The following PCDHGA11 variants were observed in gnomAD, a reference collection of about 807,000 sequenced individuals.
PCDHGA11 encodes the protein protocadherin gamma subfamily A, 11.
In PCDHGA11, 39 loss-of-function variants were observed where a neutral mutation model predicts 60.4. The observed-to-expected ratio is 0.65, with a 90% CI of 0.50 to 0.84. The LOEUF (loss-of-function observed/expected upper bound fraction) is 0.84. PCDHGA11 is among the 40% of genes least tolerant of loss of function. The pLI is 0.00. For synonymous variants in PCDHGA11, 533 were observed against 510.3 expected (o/e 1.04, Z -0.60); for missense variants, 1,165 against 1,197.7 (o/e 0.97, Z 0.40).
At position 141,487,769 on chromosome 5, in the gene PCDHGA11, T is replaced by C. The variant is rs775270506; in HGVS notation, c.2434-7038T>C. Reference sequence around the variant, plus strand: ...TAACTATGTGGTAGACGCTGTGCTTTGTAACTGTTTCGTGAATTAACCAGA... The same window carrying C: ...TAACTATGTGGTAGACGCTGTGCTTCGTAACTGTTTCGTGAATTAACCAGA... On this transcript the variant is annotated intron_variant, in intron 1 of 3. Transcript: ENST00000398587. The surrounding 1 kb of genome is among the most constrained non-coding windows in gnomAD (Gnocchi z 5.0). 8 of 1,538,288 alleles carry C rather than the reference T, an allele frequency of 5.2e-6. No homozygotes were observed. The highest frequency in any genetic ancestry group is 1.2e-5 in the South Asian group (1 of 82,608).
chr5:141,442,725 G>A (rs1381140725), intron 1 of PCDHGA11, among the ~76,000 whole-genome samples: 1 of 152,198 alleles, frequency 6.6e-6, no homozygotes, highest in Admixed American at 6.5e-5. Flanking sequence ...AGCATTTGGG[G>A]CCTGTAGGTA....
Position 141,421,969 on chromosome 5 carries a change from T to C in PCDHGA11, c.742T>C (p.Tyr248His), listed in dbSNP as rs1039340340. Residue 248 changes from tyrosine (Y) to histidine (H), a missense_variant, in exon 1 of 4, where the codon TAT becomes CAT. Coordinates refer to ENST00000398587, the MANE Select transcript of PCDHGA11 (RefSeq NM_018914.3). Reference sequence around the variant, plus strand: ...CATCCCAATGTTTACACAGTCCGTATATCGCGTGAGTGTTCCAGAAAACAT... The same window carrying C: ...CATCCCAATGTTTACACAGTCCGTACATCGCGTGAGTGTTCCAGAAAACAT... The part of the protein sequence containing the change: ...DHIPMFTQSV[Y>H]RVSVPENISS... The C allele has an allele frequency of 1.2e-6, 2 of 1,611,188 alleles. No homozygotes were observed. The highest frequency in any genetic ancestry group is 1.7e-5 in the Admixed American group (1 of 59,626).
chr5:141,477,191 A>C lies in PCDHGA11; in HGVS notation c.2434-17616A>C. 1 of 1,614,210 alleles carries C rather than the reference A, an allele frequency of 6.2e-7. No individual in the cohort carries two copies. The highest frequency in any genetic ancestry group is 1.1e-5 in the South Asian group (1 of 91,086). ...GGAGATCACAGTCACCTCCGTGTAC[A>C]GCCCAGTACCCGAGGATGCCCCTCT... On this transcript the variant is annotated intron_variant, in intron 1 of 3. Coordinates refer to ENST00000398587, the MANE Select transcript of PCDHGA11 (RefSeq NM_018914.3). This position sits in a 1 kb window ranked among gnomAD's most constrained non-coding sequence, Gnocchi z 4.9.
At position 141,490,645 on chromosome 5, in the gene PCDHGA11, C is replaced by G; in HGVS notation, c.2434-4162C>G. ...TGCTTACATCCTAGAAAACCGGCCTCCGGGCTCCCTTCTTTGCACTGTGGC... is the reference window on the plus strand; with the variant it reads ...TGCTTACATCCTAGAAAACCGGCCTGCGGGCTCCCTTCTTTGCACTGTGGC... On this transcript the variant is annotated intron_variant, in intron 1 of 3. Transcript: ENST00000398587. The surrounding 1 kb of genome is among the most constrained non-coding windows in gnomAD (Gnocchi z 5.4). 6.2e-7 allele frequency: 1 copy of G among 1,614,220 alleles called. No homozygotes were observed. Among genetic ancestry groups the G allele is most frequent in the Non-Finnish European group, 8.5e-7 (1 of 1,180,022 alleles).
intron 1 of PCDHGA11, among the ~76,000 whole-genome samples, chr5:141,488,511 G>A (rs2099676160): frequency 6.6e-6 from 1 of 152,162 alleles, no homozygotes. Context: ...CCACATTTGG[G>A]GTCTGGGGTG....
At chr5:141,469,896 C>T (rs934040636) in intron 1 of PCDHGA11, among the ~76,000 whole-genome samples, 4 of 152,074 alleles carry the variant, frequency 2.6e-5, no homozygotes, top group Admixed American at 6.5e-5. Context: ...TTTGGGAAGC[C>T]GAGGCAGGCA....
chr5:141,506,444 CAAAAAAAAAAAAA>C (rs1219684339), intron 3 of PCDHGA11, among the ~76,000 whole-genome samples: 1 of 95,030 alleles, frequency 1.1e-5, no homozygotes, highest in Non-Finnish European at 2.2e-5. Context: ...CGCTCTGTCT[CAAAAAAAAAAAAA>C]AAAAAAAAGA....
At chr5:141,499,553 A>T (rs1215178587) in intron 2 of PCDHGA11, among the ~76,000 whole-genome samples, 3 of 152,206 alleles carry the variant, frequency 2.0e-5, no homozygotes, top group African/African-American at 4.8e-5. Context: ...CCTGTATGAT[A>T]CCACTATCCA....
At chr5:141,456,504 T>G (rs781368588) in intron 1 of PCDHGA11, among the ~76,000 whole-genome samples, 1 of 152,148 alleles carries the variant, frequency 6.6e-6, no homozygotes, top group Non-Finnish European at 1.5e-5. Context: ...GGTTAACCAA[T>G]TCCATAAAGA....
intron 1 of PCDHGA11, chr5:141,492,055 G>C (rs1335131646): frequency 4.1e-6 from 2 of 493,506 alleles, no homozygotes; most frequent in Non-Finnish European, 7.1e-6. Flanking sequence ...CACCCCTGCA[G>C]CCAGCCTCCT....
Position 141,432,599 on chromosome 5 carries a change from C to T in PCDHGA11, c.2433+8939C>T. 2.5e-6 allele frequency: 4 copies of T among 1,613,908 alleles called. No individual in the cohort carries two copies. The highest frequency in any genetic ancestry group is 2.7e-5 in the African/African-American group (2 of 75,052). On this transcript the variant is annotated intron_variant, in intron 1 of 3. Coordinates refer to ENST00000398587, the MANE Select transcript of PCDHGA11 (RefSeq NM_018914.3). The surrounding 1 kb of genome is among the most constrained non-coding windows in gnomAD (Gnocchi z 6.0). Reference sequence around the variant, plus strand: ...CTACCGTCTGCTCAAGGCCAGCGAGCCGGGACTCTTCTCGGTGGGTCTGCA... The same window carrying T: ...CTACCGTCTGCTCAAGGCCAGCGAGTCGGGACTCTTCTCGGTGGGTCTGCA...
intron 1 of PCDHGA11, among the ~76,000 whole-genome samples, chr5:141,430,253 T>G (rs2097270288): frequency 9.8e-6 from 1 of 102,050 alleles, no homozygotes; most frequent in Admixed American, 1.0e-4. Context: ...TAGGGAGACA[T>G]CTCCATAATA....
At chr5:141,482,611 G>T (rs1016481108) in intron 1 of PCDHGA11, among the ~76,000 whole-genome samples, 1 of 150,398 alleles carries the variant, frequency 6.6e-6, no homozygotes, top group Admixed American at 6.6e-5. Context: ...ACACCTAAAT[G>T]AGCCTGGAGA....
At chr5:141,442,202 G>A (rs1033563159) in intron 1 of PCDHGA11, 2 of 153,258 alleles carry the variant, frequency 1.3e-5, no homozygotes, top group African/African-American at 4.8e-5. Context: ...TTTATATCTG[G>A]TGATTGCCTT....
chr5:141,423,956 A>T, intron 1 of PCDHGA11: 4 of 1,182,724 alleles, frequency 3.4e-6, no homozygotes, highest in Non-Finnish European at 4.2e-6. Context: ...TTTTAGTATT[A>T]TTTTTCTATT....
chr5:141,489,846 T>C lies in PCDHGA11; in HGVS notation c.2434-4961T>C. The C allele has an allele frequency of 6.2e-7, 1 of 1,614,190 alleles. No individual in the cohort carries two copies. The highest frequency in any genetic ancestry group is 1.1e-5 in the South Asian group (1 of 91,088). ...TGGTGCTAGAGCAGCAGCTGGATCG[T>C]GAAGCCCAGGCAAGACATCAGCTGG... is the stretch of plus-strand genomic sequence containing the variant. On this transcript the variant is annotated intron_variant, in intron 1 of 3. Coordinates refer to ENST00000398587, the MANE Select transcript of PCDHGA11 (RefSeq NM_018914.3). This position sits in a 1 kb window ranked among gnomAD's most constrained non-coding sequence, Gnocchi z 4.5.
At chr5:141,475,955 C>G (rs1562050812) in intron 1 of PCDHGA11, 8 of 800,218 alleles carry the variant, frequency 1.0e-5, no homozygotes, top group South Asian at 1.9e-5. Flanking sequence ...TTCTGCGCCC[C>G]GGGATGAGGC....
intron 1 of PCDHGA11, chr5:141,441,945 G>A: frequency 3.0e-6 from 1 of 333,884 alleles, no homozygotes; most frequent in Non-Finnish European, 5.8e-6. Flanking sequence ...ACCACGTGCT[G>A]CAGGCCAGCA....
chr5:141,493,052 T>G lies in PCDHGA11; in HGVS notation c.2434-1755T>G, dbSNP rs1362566525. 6.6e-6 allele frequency among the ~76,000 whole-genome samples: 1 copy of G among 152,104 alleles called. No individual in the cohort carries two copies. The highest frequency in any genetic ancestry group is 2.4e-5 in the African/African-American group (1 of 41,416). Reference sequence around the variant, plus strand: ...CTTATGTGTGAGGAAACTACAATAGTAAAAAACACAAGTTTCTCCAACTCC... The same window carrying G: ...CTTATGTGTGAGGAAACTACAATAGGAAAAAACACAAGTTTCTCCAACTCC... On this transcript the variant is annotated intron_variant, in intron 1 of 3. Coordinates refer to ENST00000398587, the MANE Select transcript of PCDHGA11 (RefSeq NM_018914.3). This position sits in a 1 kb window ranked among gnomAD's most constrained non-coding sequence, Gnocchi z 4.3.
Sources: gnomAD v4.1 joint callset for allele counts (sites outside exome capture counted in the v4.1 genomes callset) on GRCh38, gnomAD v4.1.1 for gene constraint, Gnocchi (gnomAD v3.1) non-coding constraint, MANE v1.5 for transcripts, NCBI Gene and HGNC (gene_info 2026-07-23, HGNC 2026-07-21) for gene names.